Variants in RASA3 observed in about 807,000 individuals in gnomAD.
RASA3 encodes the protein ras GTPase-activating protein 3.
Under a neutral mutation model 110.0 loss-of-function variants are expected in RASA3, and 73 were observed. The ratio of observed to expected loss-of-function variants is 0.66; its 90% CI spans 0.55 to 0.81. RASA3 has a LOEUF of 0.81. Ranked by LOEUF, RASA3 falls within the 30% of genes least tolerant of loss-of-function variation. The pLI, the probability that RASA3 is intolerant of heterozygous loss-of-function variation, is 0.00. For missense variants in RASA3, 976 were observed against 1,113.2 expected (o/e 0.88, Z 1.75); for synonymous variants, 500 against 451.4 (o/e 1.11, Z -1.37).
intron 1 of RASA3, among the ~76,000 whole-genome samples, chr13:114,080,294 A>C (rs536238624): frequency 2.6e-5 from 4 of 152,186 alleles, no homozygotes; most frequent in Admixed American, 6.5e-5. Flanking sequence ...GGCTGCTGGG[A>C]GCCCCTGGCA....
At chr13:114,105,519 C>T (rs2080121410) in intron 1 of RASA3, among the ~76,000 whole-genome samples, 1 of 152,222 alleles carries the variant, frequency 6.6e-6, no homozygotes, top group Admixed American at 6.5e-5. Flanking sequence ...GGCAGCCCCC[C>T]TCCTCCAGCA....
Position 113,979,178 on chromosome 13 carries a change from G to A in RASA3, c.*169C>T, listed in dbSNP as rs928775526. 2 of 637,124 alleles carry A rather than the reference G, an allele frequency of 3.1e-6. No individual in the cohort carries two copies. The highest frequency in any genetic ancestry group is 2.6e-5 in the Admixed American group (1 of 38,502). 39.5% of individuals were successfully genotyped at this position (637,124 alleles called of 1,614,324 possible). The stretch of plus-strand genomic sequence containing the variant: ...TGGGCTTTCTGCGGAGGGCGTGGCG[G>A]TGGTGGCAGCGGTTCTGGGAGAGGG... On this transcript the variant is annotated 3_prime_UTR_variant, in exon 24 of 24. Transcript: ENST00000334062.
At chr13:114,021,783 A>G (rs115521534) in intron 8 of RASA3, among the ~76,000 whole-genome samples, 1,748 of 152,256 alleles carry the variant, frequency 0.011, 26 homozygotes, top group African/African-American at 0.041. Flanking sequence ...GATAGGAGGG[A>G]GCCTGGGCAT....
rs533133046 is a variant in RASA3 at position 113,991,466 on chromosome 13, T to C, written c.2245+1019A>G. Among the ~76,000 whole-genome samples, 5 of 152,280 alleles carry C rather than the reference T, an allele frequency of 3.3e-5. No homozygotes were observed. In the South Asian group the frequency reaches 1.0e-3, roughly 32 times the overall value. The stretch of plus-strand genomic sequence containing the variant: ...GGGACTCAAGGGCCCTGTCATATGA[T>C]CTCCAAGAGCAGATCCGAGTTCTAC... On this transcript the variant is annotated intron_variant, in intron 22 of 23. Coordinates refer to ENST00000334062, the MANE Select transcript of RASA3 (RefSeq NM_007368.4).
intron 20 of RASA3, among the ~76,000 whole-genome samples, chr13:113,998,876 G>A (rs1268539473): frequency 6.6e-6 from 1 of 152,272 alleles, no homozygotes; most frequent in Admixed American, 6.5e-5. Flanking sequence ...AGGAACCACA[G>A]CCGGAAGAAC....
chr13:114,017,620 CCGCCCTCTCCCCTCTGCGGCCTCT>C (rs2053823155), intron 11 of RASA3, among the ~76,000 whole-genome samples: 1 of 152,260 alleles, frequency 6.6e-6, no homozygotes, highest in African/African-American at 2.4e-5. Flanking sequence ...CTTCGCCCTC[CCGCCCTCTCCCCTCTGCGGCCTCT>C]GCCTGTGCAG....
Position 114,114,208 on chromosome 13 carries a change from C to A in RASA3, c.55+18227G>T, listed in dbSNP as rs1195667911. ...GCGATGTCCGTGCAGGGGAGAGAGACCTGGCCTATCCTCAGCACAGCCCAT... is the reference window on the plus strand; with the variant it reads ...GCGATGTCCGTGCAGGGGAGAGAGAACTGGCCTATCCTCAGCACAGCCCAT... On this transcript the variant is annotated intron_variant, in intron 1 of 23. Transcript: ENST00000334062. The surrounding 1 kb of genome is among the most constrained non-coding windows in gnomAD (Gnocchi z 4.8). 1.3e-5 allele frequency among the ~76,000 whole-genome samples: 2 copies of A among 152,342 alleles called. No individual in the cohort carries two copies. Among genetic ancestry groups the A allele is most frequent in the Admixed American group, 1.3e-4 (2 of 15,306 alleles).
intron 1 of RASA3, among the ~76,000 whole-genome samples, chr13:114,109,980 C>A (rs1288062914): frequency 2.6e-5 from 4 of 152,134 alleles, no homozygotes; most frequent in African/African-American, 4.8e-5. Flanking sequence ...CACAGCTGCA[C>A]CCTCAGGGCA....
rs572687150 is a variant in RASA3 at position 114,031,777 on chromosome 13, G to C, written c.373-1890C>G. 5.9e-4 allele frequency among the ~76,000 whole-genome samples: 90 copies of C among 152,356 alleles called. 2 individuals carry two copies. The highest frequency in any genetic ancestry group is 2.1e-3 in the African/African-American group (88 of 41,582). On this transcript the variant is annotated intron_variant, in intron 4 of 23. Coordinates refer to ENST00000334062, the MANE Select transcript of RASA3 (RefSeq NM_007368.4). Reference sequence around the variant, plus strand: ...CTGCCTGGCCCGGCCCTTAGCTCTAGCTCCTGAGGCTCCGGGAAGGCCAAG... The same window carrying C: ...CTGCCTGGCCCGGCCCTTAGCTCTACCTCCTGAGGCTCCGGGAAGGCCAAG...
chr13:114,026,982 C>A (rs1039929101), intron 7 of RASA3, among the ~76,000 whole-genome samples: 1 of 152,244 alleles, frequency 6.6e-6, no homozygotes, highest in Non-Finnish European at 1.5e-5. Context: ...CTGGAACAAG[C>A]CTTCCGCCTC....
intron 1 of RASA3, among the ~76,000 whole-genome samples, chr13:114,130,511 C>A (rs913113964): frequency 6.6e-6 from 1 of 152,310 alleles, no homozygotes; most frequent in South Asian, 2.1e-4. Flanking sequence ...TCCTTCTCTC[C>A]GAGGGATCCT....
In RASA3 at chr13:114,027,374, C is replaced by A. The variant is rs780711294; in HGVS notation, c.603+15G>T. 6.3e-7 allele frequency: 1 copy of A among 1,591,702 alleles called. No individual in the cohort carries two copies. Among genetic ancestry groups the A allele is most frequent in the Admixed American group, 1.7e-5 (1 of 59,944 alleles). On this transcript the variant is annotated intron_variant, in intron 7 of 23. Transcript: ENST00000334062. The stretch of plus-strand genomic sequence containing the variant: ...GCAGAGTTTCCACTTAACGTTGACC[C>A]ATGAAGATACCAACCTCAAAATAAA...
At chr13:114,109,716 C>T (rs866141720) in intron 1 of RASA3, among the ~76,000 whole-genome samples, 2 of 152,324 alleles carry the variant, frequency 1.3e-5, no homozygotes, top group Admixed American at 6.5e-5. Context: ...ACCTGGAGAC[C>T]AGGCCCTCGA....
chr13:114,099,325 G>C (rs950466179), intron 1 of RASA3, among the ~76,000 whole-genome samples: 1 of 152,046 alleles, frequency 6.6e-6, no homozygotes, highest in Non-Finnish European at 1.5e-5. Context: ...TCCCTGCATG[G>C]GGACACGCGG....
Position 114,005,171 on chromosome 13 carries a change from C to T in RASA3, c.1742+2362G>A, listed in dbSNP as rs560403293. 2.0e-5 allele frequency among the ~76,000 whole-genome samples: 3 copies of T among 152,282 alleles called. No homozygotes were observed. The East Asian group carries it at 5.8e-4, about 29-fold the overall frequency. ...GGAATGAGAAATTACTCAGTGGGCA[C>T]AAAGTGCCCGTTCAGGTGACGGTTT... On this transcript the variant is annotated intron_variant, in intron 18 of 23. Transcript: ENST00000334062.
At chr13:114,106,123 C>T (rs905768418) in intron 1 of RASA3, among the ~76,000 whole-genome samples, 2 of 152,204 alleles carry the variant, frequency 1.3e-5, no homozygotes, top group African/African-American at 2.4e-5. Context: ...GGCAGAGCGG[C>T]ACACGGCCTC....
chr13:114,031,322 CCTGT>C (rs957415595), intron 4 of RASA3, among the ~76,000 whole-genome samples: 45 of 150,022 alleles, frequency 3.0e-4, no homozygotes, highest in African/African-American at 8.6e-4. Context: ...TGTGCATCTG[CCTGT>C]CTGTGTGTTT....
rs1382919159 is a variant in RASA3, at chr13:114,065,661, G to A, written c.173+8059C>T. 2.0e-5 allele frequency among the ~76,000 whole-genome samples: 3 copies of A among 152,176 alleles called. No individual in the cohort carries two copies. Among genetic ancestry groups the A allele is most frequent in the African/African-American group, 7.2e-5 (3 of 41,430 alleles). On this transcript the variant is annotated intron_variant, in intron 2 of 23. Transcript: ENST00000334062. The surrounding 1 kb of genome is among the most constrained non-coding windows in gnomAD (Gnocchi z 4.1). ...CCCACAGACCGCAGGCTGGAGAATG[G>A]GGGTCCGCGGTCAGCTCATAGCCCA...
At chr13:113,981,534 C>G in intron 23 of RASA3, 141 bp downstream of exon 23, 2 of 918,272 alleles carry the variant, frequency 2.2e-6, no homozygotes, top group Non-Finnish European at 3.4e-6. Flanking sequence ...AGGTGCCAGC[C>G]CGGTGCAAGT....
Sources: gnomAD v4.1 joint callset for allele counts (sites outside exome capture counted in the v4.1 genomes callset) on GRCh38, gnomAD v4.1.1 for gene constraint, Gnocchi (gnomAD v3.1) non-coding constraint, MANE v1.5 for transcripts, NCBI Gene and HGNC (gene_info 2026-07-23, HGNC 2026-07-21) for gene names.